PHC1: variants seen among roughly 807,000 people sequenced by gnomAD.
PHC1 encodes polyhomeotic-like protein 1.
A neutral mutation model predicts 104.3 loss-of-function variants in PHC1; 12 were observed. The ratio of observed to expected loss-of-function variants is 0.12; its 90% CI spans 0.07 to 0.19. The LOEUF (loss-of-function observed/expected upper bound fraction) is 0.19. Ranked by LOEUF, PHC1 falls within the 10% of genes least tolerant of loss-of-function variation. The pLI is 1.00. For missense variants in PHC1, 671 were observed against 1,200.0 expected, an observed-to-expected ratio of 0.56 and a Z score of 6.51; for synonymous variants, 302 against 455.8, an observed-to-expected ratio of 0.66 and a Z score of 4.30.
At chr12:8,930,042 C>T (rs1565518638) in intron 6 of PHC1, among the ~76,000 whole-genome samples, 3 of 152,120 alleles carry the variant, frequency 2.0e-5, no homozygotes. Context: ...ATTTTCTTGT[C>T]TTCTGTAGTA....
intron 13 of PHC1, among the ~76,000 whole-genome samples, 185 bp from the exon 14 acceptor site, chr12:8,937,644 G>C (rs759000201): frequency 6.6e-4 from 101 of 152,300 alleles, no homozygotes; most frequent in African/African-American, 2.4e-3. Flanking sequence ...AATCAAGGAA[G>C]TGATACAGTT....
chr12:8,935,033 A>G (rs1260864769), intron 10 of PHC1, 91 bp from the exon 11 acceptor site: 1 of 657,716 alleles, frequency 1.5e-6, no homozygotes, highest in Non-Finnish European at 2.7e-6. Flanking sequence ...AGATCCAAGC[A>G]GAGACATAAT....
In PHC1 at chr12:8,932,998, A is replaced by G; in HGVS notation, c.1541A>G (p.Lys514Arg). ...AAGCCGCCTCAGTTAGGGGCCGCTA[A>G]GATGTCAGCTGCCCAGCAACCACCA... ...PIKPPQLGAA[K>R]MSAAQQPPPH... Residue 514 changes from lysine (K) to arginine (R), a missense_variant, in exon 8 of 15, where the codon AAG (lysine) becomes AGG (arginine). Lys to Arg is a conservative substitution (Grantham distance 26). Around this residue, in one of 9 missense-constraint regions of PHC1, gnomAD observed 26 missense variants for 130.8 expected, o/e 0.20. Coordinates refer to ENST00000544916, the MANE Select transcript of PHC1 (RefSeq NM_004426.3). The G allele has an allele frequency of 1.5e-6, 1 of 681,500 alleles. No individual in the cohort carries two copies. Among genetic ancestry groups the G allele is most frequent in the Non-Finnish European group, 2.5e-6 (1 of 397,638 alleles). 42.2% of individuals were successfully genotyped at this position (681,500 alleles called of 1,614,324 possible).
intron 11 of PHC1, 99 bp from the exon 12 acceptor site, chr12:8,936,757 A>G: frequency 1.3e-6 from 1 of 796,312 alleles, no homozygotes; most frequent in South Asian, 1.6e-5. Context: ...TTTGGGGGTG[A>G]ACCCTGAGAA....
At chr12:8,920,656 G>A (rs1038120000) in intron 3 of PHC1, among the ~76,000 whole-genome samples, 5 of 152,110 alleles carry the variant, frequency 3.3e-5, no homozygotes, top group African/African-American at 7.2e-5. Context: ...TGCAGTGAGC[G>A]GAGATCATGC....
intron 8 of PHC1, chr12:8,933,551 G>C: frequency 2.7e-6 from 2 of 744,490 alleles, no homozygotes; most frequent in Non-Finnish European, 4.1e-6. Flanking sequence ...ATACTATTCT[G>C]GGTTTTTGGG....
chr12:8,939,126 AT>A (rs1288821165), intron 14 of PHC1, among the ~76,000 whole-genome samples, 178 bp from the exon 15 acceptor site: 1 of 152,188 alleles, frequency 6.6e-6, no homozygotes, highest in Non-Finnish European at 1.5e-5. Context: ...GCACCTGGCC[AT>A]TTTTTAAATA....
At chr12:8,924,657 A>G (rs1340852727) in intron 6 of PHC1, among the ~76,000 whole-genome samples, 1 of 152,226 alleles carries the variant, frequency 6.6e-6, no homozygotes, top group Non-Finnish European at 1.5e-5. Flanking sequence ...GTAAGAGTAT[A>G]GTCATATATT....
intron 12 of PHC1, 101 bp downstream of exon 12, chr12:8,937,065 C>T (rs1349773984): frequency 1.4e-6 from 2 of 1,414,640 alleles, no homozygotes; most frequent in African/African-American, 1.4e-5. Flanking sequence ...TTATGTCTCC[C>T]TCCTTGCTTT....
chr12:8,928,679 A>G (rs1945598556), intron 6 of PHC1, among the ~76,000 whole-genome samples: 1 of 152,240 alleles, frequency 6.6e-6, no homozygotes, highest in East Asian at 1.9e-4. Context: ...TTCAACAATT[A>G]TCGACACATG....
rs188842135 is a variant in PHC1 at position 8,926,642 on chromosome 12, G to C, written c.613-3793G>C. ...CTTAAAAAAAAAGGCCAGCGCTGTGGCTCATGCCTGTAATCCCAGCACTTT... is the reference window on the plus strand; with the variant it reads ...CTTAAAAAAAAAGGCCAGCGCTGTGCCTCATGCCTGTAATCCCAGCACTTT... On this transcript the variant is annotated intron_variant, in intron 6 of 14. Transcript: ENST00000544916. 3.0e-3 allele frequency among the ~76,000 whole-genome samples: 451 copies of C among 151,664 alleles called. 2 individuals carry two copies. Among genetic ancestry groups the C allele is most frequent in the African/African-American group, 9.8e-3 (406 of 41,304 alleles).
At chr12:8,930,023 TA>T (rs1945637069) in intron 6 of PHC1, among the ~76,000 whole-genome samples, 1 of 152,198 alleles carries the variant, frequency 6.6e-6, no homozygotes, top group African/African-American at 2.4e-5. Context: ...TATTATGTCA[TA>T]AGTGATAATT....
chr12:8,915,381 C>T (rs1472150800), intron 1 of PHC1: 2 of 152,264 alleles, frequency 1.3e-5, no homozygotes, highest in East Asian at 3.8e-4. Context: ...TTGGCACAGT[C>T]TTCCCTGAAC....
intron 2 of PHC1, among the ~76,000 whole-genome samples, chr12:8,918,107 T>C (rs1945253266): frequency 6.6e-6 from 1 of 152,246 alleles, no homozygotes; most frequent in African/African-American, 2.4e-5. Context: ...CCTTGAGTAA[T>C]AGAAGTATCA....
chr12:8,939,491 A>AG lies in PHC1; in HGVS notation c.*33dup, dbSNP rs1945946502. 8.0e-7 allele frequency: 1 copy of AG among 1,256,742 alleles called. No homozygotes were observed. The highest frequency in any genetic ancestry group is 1.5e-5 in the African/African-American group (1 of 65,262). 77.8% of individuals were successfully genotyped at this position (1,256,742 alleles called of 1,614,324 possible). A position where few individuals can be genotyped will look rare whatever the true frequency, so the allele number is the denominator to read the frequency against. On this transcript the variant is annotated 3_prime_UTR_variant, in exon 15 of 15. Transcript: ENST00000544916. Reference sequence around the variant, plus strand: ...CCTCTTGCACAAACCAGCCTAAGGCAGACACTCTCCACTGTCCAGGTTATA... The same window carrying AG: ...CCTCTTGCACAAACCAGCCTAAGGCAGGACACTCTCCACTGTCCAGGTTATA...
At chr12:8,917,056 C>A (rs1194766558) in intron 1 of PHC1, among the ~76,000 whole-genome samples, 1 of 152,224 alleles carries the variant, frequency 6.6e-6, no homozygotes, top group Non-Finnish European at 1.5e-5. Flanking sequence ...AGTCCAAAGA[C>A]TTGATACTTA....
intron 2 of PHC1, among the ~76,000 whole-genome samples, chr12:8,918,988 G>T (rs1396471116): frequency 6.6e-6 from 1 of 152,116 alleles, no homozygotes; most frequent in African/African-American, 2.4e-5. Context: ...ACCAAACAGT[G>T]GATATGTGGT....
intron 6 of PHC1, among the ~76,000 whole-genome samples, chr12:8,929,350 A>G (rs1179752854): frequency 2.6e-5 from 4 of 152,100 alleles, no homozygotes; most frequent in Admixed American, 2.6e-4. Flanking sequence ...CCTTGTTTCA[A>G]TACACCAGGC....
chr12:8,938,120 C>A, intron 14 of PHC1, 60 bp downstream of exon 14: 1 of 1,147,670 alleles, frequency 8.7e-7, no homozygotes, highest in Non-Finnish European at 1.3e-6. Flanking sequence ...CCCACAGGGG[C>A]CTTGATAAGA....
Sources: gnomAD v4.1 joint callset for allele counts (sites outside exome capture counted in the v4.1 genomes callset) on GRCh38, gnomAD v4.1.1 for gene constraint, gnomAD v4.1.1 regional missense constraint, MANE v1.5 for transcripts, NCBI Gene and HGNC (gene_info 2026-07-23, HGNC 2026-07-21) for gene names.